Variants in PSTPIP2 observed in about 807,000 individuals in gnomAD.
PSTPIP2 encodes proline-serine-threonine phosphatase-interacting protein 2.
PSTPIP2 carries 33 observed loss-of-function variants against 63.3 expected under a neutral mutation model. That is an observed-to-expected ratio of 0.52 (90% CI 0.40 to 0.70). PSTPIP2 has a LOEUF of 0.70. PSTPIP2 is among the 30% of genes least tolerant of loss of function. The probability of loss-of-function intolerance (pLI) is 0.00; values close to 1 mark genes in which losing one functional copy is unlikely to be tolerated. For synonymous variants in PSTPIP2, 125 were observed against 132.7 expected, an observed-to-expected ratio of 0.94 and a Z score of 0.40; for missense variants, 312 against 400.7, an observed-to-expected ratio of 0.78 and a Z score of 1.89.
At chr18:46,027,943 T>C (rs1026446999) in intron 2 of PSTPIP2, among the ~76,000 whole-genome samples, 1 of 152,164 alleles carries the variant, frequency 6.6e-6, no homozygotes, top group Non-Finnish European at 1.5e-5. Context: ...GGCGGATCAG[T>C]TGAAGACAGG....
At chr18:46,019,676 C>T (rs1259641509) in intron 3 of PSTPIP2, among the ~76,000 whole-genome samples, 4 of 152,120 alleles carry the variant, frequency 2.6e-5, no homozygotes, top group South Asian at 2.1e-4. Flanking sequence ...TGGCACGTGC[C>T]GGTAATCCCA....
At chr18:46,027,384 C>T (rs1269623177) in intron 2 of PSTPIP2, among the ~76,000 whole-genome samples, 1 of 151,232 alleles carries the variant, frequency 6.6e-6, no homozygotes, top group Non-Finnish European at 1.5e-5. Context: ...AGACCATATG[C>T]CACATGCCTT....
At chr18:46,067,482 A>G (rs1909234041) in intron 1 of PSTPIP2, among the ~76,000 whole-genome samples, 1 of 147,364 alleles carries the variant, frequency 6.8e-6, no homozygotes, top group South Asian at 2.2e-4. Flanking sequence ...CAGCCTGGGC[A>G]ACAGGGCGAG....
intron 2 of PSTPIP2, among the ~76,000 whole-genome samples, chr18:46,035,248 C>T (rs1217236996): frequency 6.6e-6 from 1 of 151,936 alleles, no homozygotes; most frequent in Non-Finnish European, 1.5e-5. Context: ...AGGAAAAACC[C>T]CATCTTTACT....
intron 1 of PSTPIP2, among the ~76,000 whole-genome samples, chr18:46,069,413 G>T (rs766476492): frequency 6.6e-6 from 1 of 152,166 alleles, no homozygotes. Context: ...AACAGGGAAG[G>T]GTGGGAGAGA....
intron 1 of PSTPIP2, among the ~76,000 whole-genome samples, chr18:46,059,955 G>A (rs968678530): frequency 4.6e-5 from 7 of 152,132 alleles, no homozygotes; most frequent in South Asian, 4.2e-4. Context: ...TGCTTGAACC[G>A]GGGAGGCAGA....
chr18:46,041,719 G>A (rs1022580284), intron 1 of PSTPIP2, among the ~76,000 whole-genome samples: 29 of 152,074 alleles, frequency 1.9e-4, no homozygotes, highest in Admixed American at 1.8e-3. Flanking sequence ...GTCCCCTAAG[G>A]AGGCTGGTTC....
intron 2 of PSTPIP2, 91 bp downstream of exon 2, chr18:46,039,854 CAT>C (rs1908125375): frequency 1.9e-6 from 2 of 1,069,488 alleles, no homozygotes; most frequent in Non-Finnish European, 2.9e-6. Context: ...TCTTCAGAAC[CAT>C]TAAACACAAA....
At chr18:45,988,575 C>T (rs1230832646) in intron 14 of PSTPIP2, 127 bp downstream of exon 14, 1 of 761,748 alleles carries the variant, frequency 1.3e-6, no homozygotes, top group East Asian at 2.6e-5. Flanking sequence ...AGCATGCTGG[C>T]CAGTGTACCT....
At chr18:46,058,744 C>T (rs1385940057) in intron 1 of PSTPIP2, among the ~76,000 whole-genome samples, 1 of 152,148 alleles carries the variant, frequency 6.6e-6, no homozygotes, top group Admixed American at 6.5e-5. Flanking sequence ...TGCTTAAAGG[C>T]AGGGGTGCTG....
Position 45,993,702 on chromosome 18 carries a change from G to A in PSTPIP2, c.644C>T (p.Ala215Val), listed in dbSNP as rs2051562454. ...WQSEHIKACEAFEAQECERIN... is the reference protein window; with the variant it reads ...WQSEHIKACEVFEAQECERIN... Reference sequence around the variant, plus strand: ...TCGTTCACATTCTTGAGCCTCAAATGCCTACAGAAAAATAGCTACGTGTAC... The same window carrying A: ...TCGTTCACATTCTTGAGCCTCAAATACCTACAGAAAAATAGCTACGTGTAC... The change falls in exon 10 of 15, where the codon GCA becomes GTA. Residue 215 changes from alanine to valine, a missense_variant and splice_region_variant. By Grantham distance (64) the Ala-to-Val change is moderately conservative (BLOSUM62 0). Transcript: ENST00000409746. 1.9e-6 allele frequency: 3 copies of A among 1,613,500 alleles called. No homozygotes were observed. The highest frequency in any genetic ancestry group is 2.5e-6 in the Non-Finnish European group (3 of 1,179,580).
At chr18:46,024,809 T>A in intron 2 of PSTPIP2, 123 bp from the exon 3 acceptor site, 1 of 711,390 alleles carries the variant, frequency 1.4e-6, no homozygotes. Context: ...TACAACACCA[T>A]TCTCTAAAAT....
chr18:46,065,093 G>A (rs1212316506), intron 1 of PSTPIP2, among the ~76,000 whole-genome samples: 2 of 145,094 alleles, frequency 1.4e-5, no homozygotes, highest in African/African-American at 2.6e-5. Context: ...ACAGTGAGCC[G>A]AGGTCGTGCC....
At chr18:45,988,899 A>G in intron 13 of PSTPIP2, 140 bp from the exon 14 acceptor site, 2 of 691,710 alleles carry the variant, frequency 2.9e-6, no homozygotes, top group Non-Finnish European at 5.0e-6. Flanking sequence ...GCCAACAAAA[A>G]CTATAAATGG....
intron 2 of PSTPIP2, among the ~76,000 whole-genome samples, chr18:46,038,659 A>G (rs61748287): frequency 1.3e-3 from 200 of 152,318 alleles, no homozygotes; most frequent in African/African-American, 4.5e-3. Context: ...CATCTTGGGT[A>G]GAAAAGAAGG....
At chr18:46,034,298 A>G (rs371351869) in intron 2 of PSTPIP2, among the ~76,000 whole-genome samples, 1 of 152,002 alleles carries the variant, frequency 6.6e-6, no homozygotes. Context: ...CCTCCTCCCT[A>G]CTCAGGATCC....
At chr18:46,013,622 T>G (rs554354878) in intron 4 of PSTPIP2, among the ~76,000 whole-genome samples, 1 of 152,012 alleles carries the variant, frequency 6.6e-6, no homozygotes, top group African/African-American at 2.4e-5. Context: ...AAGTTGCAGT[T>G]ATAACCAAAG....
intron 6 of PSTPIP2, 27 bp downstream of exon 6, chr18:46,005,442 C>A (rs1480420731): frequency 1.3e-6 from 2 of 1,545,826 alleles, no homozygotes; most frequent in Non-Finnish European, 1.8e-6. Flanking sequence ...ACCATTATCC[C>A]AAAAAAGACA....
intron 2 of PSTPIP2, among the ~76,000 whole-genome samples, chr18:46,025,514 T>C (rs1390105685): frequency 6.6e-6 from 1 of 152,048 alleles, no homozygotes; most frequent in Non-Finnish European, 1.5e-5. Context: ...TATGTGTAAC[T>C]TTCATGTTTA....
Sources: gnomAD v4.1 joint callset for allele counts (sites outside exome capture counted in the v4.1 genomes callset) on GRCh38, gnomAD v4.1.1 for gene constraint, MANE v1.5 for transcripts, NCBI Gene and HGNC (gene_info 2026-07-23, HGNC 2026-07-21) for gene names.